The following MIB1 variants were observed in gnomAD, a reference collection of about 807,000 sequenced individuals.
The protein encoded by MIB1 is E3 ubiquitin-protein ligase MIB1.
In MIB1, 278 loss-of-function variants were observed where a neutral mutation model predicts 124.5. That is an observed-to-expected ratio of 2.23 (90% CI 2.02 to 2.47). The LOEUF (loss-of-function observed/expected upper bound fraction) is 2.47, where lower values mean the gene tolerates loss of function less well. MIB1 is among the 30% of genes most tolerant of loss of function. MIB1 has a pLI of 0.00. For missense variants in MIB1, 957 were observed against 1,254.4 expected (o/e 0.76, Z 3.58); for synonymous variants, 446 against 429.4 (o/e 1.04, Z -0.48).
chr18:21,863,307 G>C (rs912153224), intron 20 of MIB1, among the ~76,000 whole-genome samples: 3 of 152,222 alleles, frequency 2.0e-5, no homozygotes, highest in African/African-American at 7.2e-5. Flanking sequence ...CCCTCCGCCA[G>C]TGAGGGCAAA....
intron 19 of MIB1, 97 bp downstream of exon 19, chr18:21,857,340 C>G: frequency 1.3e-6 from 1 of 740,888 alleles, no homozygotes; most frequent in Non-Finnish European, 2.4e-6. Flanking sequence ...CCTTATAAAA[C>G]CTAAGATGTC....
intron 1 of MIB1, among the ~76,000 whole-genome samples, chr18:21,731,661 G>A (rs1189694895): frequency 6.6e-6 from 1 of 150,808 alleles, no homozygotes; most frequent in South Asian, 2.1e-4. Context: ...GAACCCGGGA[G>A]GCAGAGCTTG....
chr18:21,738,119 G>T (rs534539531), upstream of MIB1, among the ~76,000 whole-genome samples: 1 of 152,162 alleles, frequency 6.6e-6, no homozygotes, highest in East Asian at 1.9e-4. Context: ...TTCTAATATT[G>T]TTATGTGTGA....
chr18:21,785,025 A>G (rs1453250714), intron 6 of MIB1, among the ~76,000 whole-genome samples: 1 of 152,198 alleles, frequency 6.6e-6, no homozygotes, highest in Non-Finnish European at 1.5e-5. Flanking sequence ...AATTAGTGAA[A>G]GTATTAAAGC....
chr18:21,834,617 A>G (rs977821766), intron 12 of MIB1, among the ~76,000 whole-genome samples: 1 of 152,220 alleles, frequency 6.6e-6, no homozygotes, highest in African/African-American at 2.4e-5. Flanking sequence ...CCTTCTTACT[A>G]AGAACCAATA....
chr18:21,729,712 A>C (rs1286263611), intron 1 of MIB1, among the ~76,000 whole-genome samples: 2 of 151,616 alleles, frequency 1.3e-5, no homozygotes, highest in African/African-American at 4.8e-5. Context: ...CTGGTCTCGA[A>C]CTCCTGGCCT....
Position 21,838,374 on chromosome 18 carries a change from T to G in MIB1, c.1839T>G (p.Arg613=). Residue 613 remains arginine, a synonymous_variant, in exon 13 of 21, where the codon CGT becomes CGG. Coordinates refer to ENST00000261537, the MANE Select transcript of MIB1 (RefSeq NM_020774.4). ...TGAATTTAACTTTCAGTGCAATGCG[T>G]GTTTTACTATCTAAATTACCAAGAC... ...AALRGNPSAM[R]VLLSKLPRPW... is the part of the protein sequence containing the mutation. 1.3e-6 allele frequency: 2 copies of G among 1,595,098 alleles called. No individual in the cohort carries two copies. Among genetic ancestry groups the G allele is most frequent in the Non-Finnish European group, 1.7e-6 (2 of 1,169,604 alleles).
chr18:21,811,458 A>G (rs1486956846), intron 10 of MIB1, among the ~76,000 whole-genome samples: 1 of 152,188 alleles, frequency 6.6e-6, no homozygotes, highest in Non-Finnish European at 1.5e-5. Context: ...TAAAGCATGA[A>G]AGCAGCCCAG....
At chr18:21,831,048 AAATGCTTCAGAAGAGGGG>A (rs2041975024) in intron 12 of MIB1, 1 of 151,414 alleles carries the variant, frequency 6.6e-6, no homozygotes, top group Non-Finnish European at 1.5e-5. Flanking sequence ...TTGTCAGATG[AAATGCTTCAGAAGAGGGG>A]AAAAAGTTGC....
At chr18:21,855,227 G>T (rs1282548258) in intron 18 of MIB1, among the ~76,000 whole-genome samples, 1 of 152,134 alleles carries the variant, frequency 6.6e-6, no homozygotes, top group Non-Finnish European at 1.5e-5. Context: ...AACTGAGGTG[G>T]AACATATGCC....
At chr18:21,810,349 C>T (rs1368086503) in intron 10 of MIB1, among the ~76,000 whole-genome samples, 1 of 152,008 alleles carries the variant, frequency 6.6e-6, no homozygotes, top group African/African-American at 2.4e-5. Context: ...GAAATTCTGT[C>T]AAAATCCTAA....
At chr18:21,757,366 C>T (rs2041044521) in intron 1 of MIB1, among the ~76,000 whole-genome samples, 1 of 127,454 alleles carries the variant, frequency 7.8e-6, no homozygotes, top group Non-Finnish European at 1.6e-5. Flanking sequence ...ACAGGAGAAT[C>T]TCTTGAACCT....
intron 18 of MIB1, among the ~76,000 whole-genome samples, chr18:21,855,472 G>A (rs1346981707): frequency 1.3e-5 from 2 of 152,212 alleles, no homozygotes; most frequent in Non-Finnish European, 2.9e-5. Context: ...TTGTGTTTAT[G>A]TATTATATAT....
chr18:21,759,092 G>A (rs560419008), intron 1 of MIB1, among the ~76,000 whole-genome samples: 3 of 151,580 alleles, frequency 2.0e-5, no homozygotes, highest in South Asian at 4.2e-4. Flanking sequence ...TCCCCTCCTC[G>A]CCTAAGGTAA....
At chr18:21,783,490 G>A (rs539457567) in intron 6 of MIB1, among the ~76,000 whole-genome samples, 1 of 152,098 alleles carries the variant, frequency 6.6e-6, no homozygotes, top group East Asian at 1.9e-4. Flanking sequence ...TGGTCCTCCC[G>A]CCTCAGCCTC....
intron 12 of MIB1, among the ~76,000 whole-genome samples, chr18:21,830,229 A>G (rs1395294671): frequency 6.6e-6 from 1 of 152,186 alleles, no homozygotes; most frequent in East Asian, 1.9e-4. Flanking sequence ...AGTAAGCATT[A>G]AAAAGTATTT....
intron 20 of MIB1, among the ~76,000 whole-genome samples, chr18:21,863,162 C>T (rs75224472): frequency 0.016 from 2,431 of 152,298 alleles, 70 homozygotes; most frequent in African/African-American, 0.055. Context: ...ATCCATGCAG[C>T]GGCACCCAGG....
intron 1 of MIB1, among the ~76,000 whole-genome samples, chr18:21,708,560 A>G (rs977019216): frequency 2.0e-4 from 30 of 152,024 alleles, no homozygotes; most frequent in Non-Finnish European, 2.4e-4. Flanking sequence ...GGAGGCCGAG[A>G]CAGGAGAATT....
At chr18:21,761,226 GTTTTT>G (rs11393243) in intron 1 of MIB1, among the ~76,000 whole-genome samples, 1 of 141,136 alleles carries the variant, frequency 7.1e-6, no homozygotes, top group African/African-American at 2.6e-5. Context: ...ACACAAAGTG[GTTTTT>G]TTTTTTTTTA....
Sources: allele counts gnomAD v4.1 joint callset (sites outside exome capture counted in the v4.1 genomes callset), GRCh38; gene constraint gnomAD v4.1.1; transcripts MANE v1.5; gene names NCBI Gene and HGNC (gene_info 2026-07-23, HGNC 2026-07-21).